ADRA1B: variants seen among roughly 807,000 people sequenced by gnomAD.
The protein encoded by ADRA1B is adrenoceptor alpha 1B, also known as alpha-1B adrenergic receptor.
Under a neutral mutation model 17.9 loss-of-function variants are expected in ADRA1B, and 17 were observed. The ratio of observed to expected loss-of-function variants is 0.95; its 90% CI spans 0.65 to 1.42. ADRA1B has a LOEUF of 1.42. Ranked by LOEUF, ADRA1B falls within the 40% of genes most tolerant of loss-of-function variation. The pLI is 0.00. For missense variants in ADRA1B, 681 were observed against 722.1 expected (o/e 0.94, Z 0.65); for synonymous variants, 366 against 327.6 (o/e 1.12, Z -1.27).
intron 1 of ADRA1B, among the ~76,000 whole-genome samples, chr5:159,932,247 G>A (rs886764135): frequency 3.3e-5 from 5 of 151,862 alleles, no homozygotes; most frequent in Non-Finnish European, 5.9e-5. Context: ...TTGAACTCTT[G>A]GACCCAAGCG....
intron 1 of ADRA1B, among the ~76,000 whole-genome samples, chr5:159,930,736 G>A (rs1213708152): frequency 3.3e-5 from 5 of 152,014 alleles, no homozygotes; most frequent in African/African-American, 7.2e-5. Context: ...CAAGGGATAC[G>A]ATGGAGTGAG....
At chr5:159,866,594 G>GAA (rs59632607) in intron 1 of ADRA1B, among the ~76,000 whole-genome samples, 1,670 of 139,292 alleles carry the variant, frequency 0.012, 33 homozygotes, top group African/African-American at 0.039. Context: ...CTCAAAAAAG[G>GAA]AAAAAAAAAA....
intron 1 of ADRA1B, among the ~76,000 whole-genome samples, chr5:159,935,816 G>A (rs1257661389): frequency 1.3e-5 from 2 of 152,172 alleles, no homozygotes; most frequent in Non-Finnish European, 2.9e-5. Flanking sequence ...CACAGTGCTG[G>A]GATTACAGGC....
chr5:159,900,009 C>T (rs2113118365), intron 1 of ADRA1B, among the ~76,000 whole-genome samples: 1 of 152,290 alleles, frequency 6.6e-6, no homozygotes, highest in East Asian at 1.9e-4. Flanking sequence ...GTGATATTTC[C>T]TTTCCTCACA....
chr5:159,972,027 G>T lies in ADRA1B; in HGVS notation c.1098G>T (p.Gln366His), dbSNP rs771591500. The T allele has an allele frequency of 9.8e-6, 14 of 1,427,282 alleles. No individual in the cohort carries two copies. In the Admixed American group the frequency reaches 2.3e-4, roughly 23 times the overall value. The allele number at this position is 1,427,282 out of a possible 1,614,324, so 88.4% of individuals were successfully genotyped here. Residue 366 changes from glutamine (Q) to histidine (H), a missense_variant, in exon 2 of 2, where the codon CAG (glutamine) becomes CAT (histidine). Around this residue, in one of 3 missense-constraint regions of ADRA1B, gnomAD observed 424 missense variants for 480.2 expected, o/e 0.88. Transcript: ENST00000306675. ...KRAFVRILGCQCRGRGRRRRR... is the reference protein window; with the variant it reads ...KRAFVRILGCHCRGRGRRRRR... ...CTTTCGTGCGCATCCTCGGGTGCCA[G>T]TGCCGCGGCCGCGGCCGCCGCCGAC...
chr5:159,928,618 G>C (rs1440211162), intron 1 of ADRA1B, among the ~76,000 whole-genome samples: 1 of 152,190 alleles, frequency 6.6e-6, no homozygotes, highest in Admixed American at 6.5e-5. Flanking sequence ...CTCCTGTTGG[G>C]ATGAATTTGG....
chr5:159,941,349 A>C (rs890012792), intron 1 of ADRA1B, among the ~76,000 whole-genome samples: 8 of 152,204 alleles, frequency 5.3e-5, no homozygotes, highest in African/African-American at 1.4e-4. Context: ...AATATGGCTG[A>C]GATGTCTCAA....
intron 1 of ADRA1B, among the ~76,000 whole-genome samples, chr5:159,936,708 A>G (rs1265963443): frequency 6.6e-6 from 1 of 152,172 alleles, no homozygotes; most frequent in African/African-American, 2.4e-5. Flanking sequence ...GCGTGGCTGT[A>G]AATAAATAAA....
intron 1 of ADRA1B, among the ~76,000 whole-genome samples, chr5:159,904,547 C>G (rs1332767665): frequency 6.6e-6 from 1 of 152,176 alleles, no homozygotes; most frequent in Non-Finnish European, 1.5e-5. Flanking sequence ...TCAATGGAGA[C>G]CAGGTGGCCT....
At chr5:159,899,283 G>GAAGGAAGA (rs1554088337) in intron 1 of ADRA1B, among the ~76,000 whole-genome samples, 56 of 145,528 alleles carry the variant, frequency 3.8e-4, no homozygotes, top group Admixed American at 1.8e-3. Context: ...AGGAAGGAAG[G>GAAGGAAGA]AAGGAAGGAA....
At chr5:159,947,939 G>A (rs1755322053) in intron 1 of ADRA1B, 2 of 985,320 alleles carry the variant, frequency 2.0e-6, no homozygotes, top group South Asian at 9.4e-5. Flanking sequence ...GCTCTTCCAA[G>A]CTCCAGCTGT....
intron 1 of ADRA1B, among the ~76,000 whole-genome samples, chr5:159,878,104 C>T (rs1329176879): frequency 1.3e-5 from 2 of 152,170 alleles, no homozygotes; most frequent in Admixed American, 1.3e-4. Flanking sequence ...ATCAGAGGAC[C>T]AAATGCCGAG....
chr5:159,982,899 T>C, the ADRA1B span, among the ~76,000 whole-genome samples: 1 of 152,168 alleles, frequency 6.6e-6, no homozygotes, highest in Non-Finnish European at 1.5e-5. Flanking sequence ...ATCCAGTCAC[T>C]CACTACCTAA....
intron 1 of ADRA1B, among the ~76,000 whole-genome samples, chr5:159,970,750 T>C (rs1203204205): frequency 1.3e-5 from 2 of 152,238 alleles, no homozygotes; most frequent in African/African-American, 2.4e-5. Context: ...CTTGGAACTA[T>C]GCAGCTTCCT....
At chr5:159,901,816 C>G (rs1319036689) in intron 1 of ADRA1B, among the ~76,000 whole-genome samples, 2 of 152,086 alleles carry the variant, frequency 1.3e-5, no homozygotes, top group East Asian at 3.8e-4. Context: ...TCACCTCACA[C>G]CCATTAGGAT....
At chr5:159,870,129 T>C (rs1045201951) in intron 1 of ADRA1B, 1 of 152,160 alleles carries the variant, frequency 6.6e-6, no homozygotes, top group Non-Finnish European at 1.5e-5. Flanking sequence ...AATTCCATGA[T>C]AGCATATAAC....
At chr5:159,961,723 T>G (rs570538021) in intron 1 of ADRA1B, among the ~76,000 whole-genome samples, 2 of 152,218 alleles carry the variant, frequency 1.3e-5, no homozygotes, top group African/African-American at 4.8e-5. Flanking sequence ...CCTGAGGTCA[T>G]TGGCTTGTTT....
intron 1 of ADRA1B, among the ~76,000 whole-genome samples, chr5:159,886,219 A>C (rs6873349): frequency 0.063 from 9,579 of 152,310 alleles, 362 homozygotes; most frequent in Middle Eastern, 0.12. Context: ...AGGGACCCAT[A>C]GTCTGCCTTA....
intron 1 of ADRA1B, among the ~76,000 whole-genome samples, chr5:159,883,606 C>T (rs552345688): frequency 1.3e-5 from 2 of 152,172 alleles, no homozygotes; most frequent in Non-Finnish European, 2.9e-5. Context: ...GTGTCAGAGT[C>T]CCTGCAGCAG....
Sources: allele counts gnomAD v4.1 joint callset (sites outside exome capture counted in the v4.1 genomes callset), GRCh38; gene constraint gnomAD v4.1.1; regional missense constraint gnomAD v4.1.1; transcripts MANE v1.5; gene names NCBI Gene and HGNC (gene_info 2026-07-23, HGNC 2026-07-21).